CYTH3: variants seen among roughly 807,000 people sequenced by gnomAD.
CYTH3 encodes cytohesin-3.
CYTH3 carries 23 observed loss-of-function variants against 55.1 expected under a neutral mutation model. The ratio of observed to expected loss-of-function variants is 0.42; its 90% CI spans 0.30 to 0.59. CYTH3 has a LOEUF of 0.59. Among genes scored for constraint, CYTH3 ranks in the 20% least tolerant of loss-of-function variants. The probability of loss-of-function intolerance (pLI) is 0.20; values close to 1 mark genes in which losing one functional copy is unlikely to be tolerated. For synonymous variants in CYTH3, 249 were observed against 194.9 expected (o/e 1.28, Z -2.31); for missense variants, 413 against 524.8 (o/e 0.79, Z 2.08).
chr7:6,217,881 TA>T (rs796168188), intron 1 of CYTH3, among the ~76,000 whole-genome samples: 18 of 149,210 alleles, frequency 1.2e-4, no homozygotes, highest in East Asian at 5.9e-4. Context: ...AATTTTAGAT[TA>T]AAAAAAAAAT....
chr7:6,190,878 A>T (rs1261008260), intron 1 of CYTH3, among the ~76,000 whole-genome samples: 1 of 151,858 alleles, frequency 6.6e-6, no homozygotes, highest in Non-Finnish European at 1.5e-5. Context: ...GGAGTTTGAG[A>T]CCAGCCTGGC....
intron 1 of CYTH3, among the ~76,000 whole-genome samples, chr7:6,230,132 G>A (rs1208014377): frequency 6.6e-6 from 1 of 152,042 alleles, no homozygotes; most frequent in Non-Finnish European, 1.5e-5. Flanking sequence ...GAGACTACAT[G>A]TCAAAAATAA....
chr7:6,215,610 CAAAT>C (rs943352146), intron 1 of CYTH3, among the ~76,000 whole-genome samples: 2 of 145,456 alleles, frequency 1.4e-5, no homozygotes, highest in Non-Finnish European at 3.0e-5. Context: ...AAAAAAAAGA[CAAAT>C]AAGGACAAAA....
intron 1 of CYTH3, among the ~76,000 whole-genome samples, chr7:6,208,827 T>C (rs1784259673): frequency 6.6e-6 from 1 of 152,228 alleles, no homozygotes. Context: ...ACGCCTGGCC[T>C]AGAGTTCATT....
intron 12 of CYTH3, 61 bp downstream of exon 12, chr7:6,165,211 TC>T: frequency 1.1e-5 from 17 of 1,572,356 alleles, no homozygotes; most frequent in Non-Finnish European, 1.5e-5. Flanking sequence ...TTCCAGACCA[TC>T]CCCCGCCCTC....
intron 4 of CYTH3, among the ~76,000 whole-genome samples, chr7:6,178,283 C>T (rs572791265): frequency 3.3e-5 from 5 of 152,330 alleles, no homozygotes; most frequent in Admixed American, 2.6e-4. Context: ...TCTGTGTCTG[C>T]GAGGAAAACT....
intron 6 of CYTH3, chr7:6,172,064 T>G (rs1783214542): frequency 6.5e-6 from 1 of 152,896 alleles, no homozygotes. Flanking sequence ...AGCTGCAGCC[T>G]CCCGCACCAG....
intron 1 of CYTH3, among the ~76,000 whole-genome samples, chr7:6,217,957 C>T (rs1469398567): frequency 1.3e-5 from 2 of 152,022 alleles, no homozygotes; most frequent in Non-Finnish European, 2.9e-5. Context: ...CCGAGGTGGG[C>T]AGATCACTTG....
intron 1 of CYTH3, among the ~76,000 whole-genome samples, chr7:6,209,192 C>T (rs534516438): frequency 1.4e-4 from 21 of 152,250 alleles, no homozygotes; most frequent in Admixed American, 4.6e-4. Flanking sequence ...TACCTAACCG[C>T]TCTATGCCTC....
rs1055818584 is a variant in CYTH3 at position 6,164,542 on chromosome 7, G to C, written c.*402C>G. On this transcript the variant is annotated 3_prime_UTR_variant, in exon 13 of 13. Transcript: ENST00000350796. ...CGAGTGAATGCGTTTGGCATGGTAC[G>C]AATGAGGCTCCCGTCTGTGGAATCC... The C allele has an allele frequency of 9.1e-6, 2 of 219,730 alleles. No individual in the cohort carries two copies. Among genetic ancestry groups the C allele is most frequent in the Admixed American group, 1.1e-4 (2 of 18,670 alleles). 13.6% of individuals were successfully genotyped at this position (219,730 alleles called of 1,614,324 possible).
At chr7:6,242,280 G>A (rs567472145) in intron 1 of CYTH3, among the ~76,000 whole-genome samples, 10 of 150,964 alleles carry the variant, frequency 6.6e-5, no homozygotes, top group South Asian at 4.2e-4. Flanking sequence ...GTTTCACCGC[G>A]TTGGCCAGGA....
chr7:6,210,980 A>C (rs542851294), intron 1 of CYTH3, among the ~76,000 whole-genome samples: 1 of 152,300 alleles, frequency 6.6e-6, no homozygotes, highest in African/African-American at 2.4e-5. Flanking sequence ...ATTTTTTCTC[A>C]ATTTCCTTTC....
intron 1 of CYTH3, among the ~76,000 whole-genome samples, chr7:6,267,492 T>C (rs965259698): frequency 2.0e-5 from 3 of 152,252 alleles, no homozygotes; most frequent in South Asian, 4.1e-4. Flanking sequence ...TAACCTTACA[T>C]TGCATATCAC....
intron 1 of CYTH3, among the ~76,000 whole-genome samples, chr7:6,221,663 TG>T (rs1249071169): frequency 3.3e-5 from 5 of 151,874 alleles, no homozygotes; most frequent in Non-Finnish European, 7.3e-5. Context: ...CTGTTATCTT[TG>T]CAACTTTCTG....
At chr7:6,188,323 A>G (rs1367133539) in intron 2 of CYTH3, among the ~76,000 whole-genome samples, 1 of 151,438 alleles carries the variant, frequency 6.6e-6, no homozygotes, top group Non-Finnish European at 1.5e-5. Flanking sequence ...ACAGAGCAAG[A>G]CTTGGTCTCT....
chr7:6,254,138 C>G (rs1202187167), intron 1 of CYTH3, among the ~76,000 whole-genome samples: 1 of 152,090 alleles, frequency 6.6e-6, no homozygotes, highest in African/African-American at 2.4e-5. Context: ...GCTGAGAGAT[C>G]GCACCACTGC....
At chr7:6,267,981 G>C (rs1204590039) in intron 1 of CYTH3, among the ~76,000 whole-genome samples, 1 of 152,158 alleles carries the variant, frequency 6.6e-6, no homozygotes, top group Non-Finnish European at 1.5e-5. Flanking sequence ...GGCGCATAGT[G>C]AAAAGTTTCC....
In CYTH3 at chr7:6,167,895, G is replaced by C. The variant is rs376990223; in HGVS notation, c.824-2085C>G. 2.6e-5 allele frequency among the ~76,000 whole-genome samples: 4 copies of C among 152,152 alleles called. No homozygotes were observed. The highest frequency in any genetic ancestry group is 2.6e-4 in the Admixed American group (4 of 15,280). ...CTCTCAGCTCCACCTTGGGTCCCCCGCTCACACCTCCCATGCAGAGCCCCA... is the reference window on the plus strand; with the variant it reads ...CTCTCAGCTCCACCTTGGGTCCCCCCCTCACACCTCCCATGCAGAGCCCCA... On this transcript the variant is annotated intron_variant, in intron 9 of 12. Coordinates refer to ENST00000350796, the MANE Select transcript of CYTH3 (RefSeq NM_004227.4). This position sits in a 1 kb window ranked among gnomAD's most constrained non-coding sequence, Gnocchi z 5.5.
chr7:6,184,160 ACGC>A (rs949282291), intron 4 of CYTH3, among the ~76,000 whole-genome samples: 15 of 139,566 alleles, frequency 1.1e-4, no homozygotes, highest in African/African-American at 3.8e-4. Context: ...TCCCGGGTTC[ACGC>A]CATTCTCCTG....
Sources: gnomAD v4.1 joint callset for allele counts (sites outside exome capture counted in the v4.1 genomes callset) on GRCh38, gnomAD v4.1.1 for gene constraint, Gnocchi (gnomAD v3.1) non-coding constraint, MANE v1.5 for transcripts, NCBI Gene and HGNC (gene_info 2026-07-23, HGNC 2026-07-21) for gene names.